BBS4: variants seen among roughly 807,000 people sequenced by gnomAD.
The protein encoded by BBS4 is Bardet-Biedl syndrome 4.
Under a neutral mutation model 71.4 loss-of-function variants are expected in BBS4, and 58 were observed. The observed-to-expected ratio is 0.81, with a 90% confidence interval of 0.66 to 1.01. BBS4 has a LOEUF of 1.01. Among genes scored for constraint, BBS4 ranks in the 50% least tolerant of loss-of-function variants. The probability of loss-of-function intolerance (pLI) is 0.00; values close to 1 mark genes in which losing one functional copy is unlikely to be tolerated. For synonymous variants in BBS4, 228 were observed against 216.8 expected, an observed-to-expected ratio of 1.05 and a Z score of -0.46; for missense variants, 660 against 607.9, an observed-to-expected ratio of 1.09 and a Z score of -0.90.
rs201987100 is a variant in BBS4 at position 72,731,676 on chromosome 15, C to G, written c.986C>G (p.Ala329Gly). 6.2e-7 allele frequency: 1 copy of G among 1,614,054 alleles called. No homozygotes were observed. The highest frequency in any genetic ancestry group is 1.3e-5 in the African/African-American group (1 of 74,918). ...GCATCAGCTTTTCATTTTCTCAGTG[C>G]GGCCATCAACTTCCAGCCAAAGATG... ...QYASAFHFLS[A>G]AINFQPKMGE... The change falls in exon 12 of 16, where the codon GCG (alanine) becomes GGG (glycine). Residue 329 changes from alanine to glycine, a missense_variant. Ala to Gly is a moderately conservative substitution (Grantham distance 60). Transcript: ENST00000268057.
At chr15:72,706,175 C>T (rs8031455) in intron 2 of BBS4, among the ~76,000 whole-genome samples, 81,894 of 151,714 alleles carry the variant, frequency 0.54, 23,577 homozygotes, top group Middle Eastern at 0.68. Flanking sequence ...CTCGCTCTGT[C>T]GCCCAGGCTG....
chr15:72,687,145 G>T (rs2064868656), intron 1 of BBS4, among the ~76,000 whole-genome samples: 2 of 1,560 alleles, frequency 1.3e-3, no homozygotes, highest in African/African-American at 1.5e-3. Flanking sequence ...GAGACGGAGT[G>T]TCGCTGTTGT....
In BBS4 at chr15:72,728,185, A is replaced by G. The variant is rs35148941; in HGVS notation, c.642+191A>G. Among the ~76,000 whole-genome samples, 1,483 of 152,254 alleles carry G rather than the reference A, an allele frequency of 9.7e-3. 51 individuals are homozygous for G. In the East Asian group the frequency reaches 0.14, roughly 14 times the overall value. ...CTGCATTTAAATTGGAAGCAATTCT[A>G]TTTTAGCCTAGTGCAATTATAATTC... On this transcript the variant is annotated intron_variant, in intron 9 of 15. Transcript: ENST00000268057.
At chr15:72,712,431 G>A (rs958023511) in intron 4 of BBS4, 124 bp downstream of exon 4, 3 of 939,630 alleles carry the variant, frequency 3.2e-6, no homozygotes, top group African/African-American at 3.3e-5. Context: ...ATGGAGATAT[G>A]TTCTAAGAAA....
intron 2 of BBS4, among the ~76,000 whole-genome samples, chr15:72,699,342 C>T (rs1166475602): frequency 6.6e-6 from 1 of 152,120 alleles, no homozygotes; most frequent in Non-Finnish European, 1.5e-5. Flanking sequence ...CCAAAGCCTC[C>T]CAAAGTTCTG....
chr15:72,715,517 T>C lies in BBS4; in HGVS notation c.332+115T>C, dbSNP rs1031163178. ...TCAGCCTGATACACAAGTGGGGGAA[T>C]GGTTTAATAGGTACAGTGGGATTCA... is the stretch of plus-strand genomic sequence containing the variant. On this transcript the variant is annotated intron_variant, in intron 5 of 15. Coordinates refer to ENST00000268057, the MANE Select transcript of BBS4 (RefSeq NM_033028.5). 5.3e-5 allele frequency: 41 copies of C among 775,822 alleles called. No homozygotes were observed. The Admixed American group carries it at 7.5e-4, about 14-fold the overall frequency. 48.1% of individuals were successfully genotyped at this position (775,822 alleles called of 1,614,324 possible).
chr15:72,687,162 G>A (rs371762463), intron 1 of BBS4, among the ~76,000 whole-genome samples: 3 of 108,480 alleles, frequency 2.8e-5, no homozygotes, highest in Admixed American at 2.2e-4. Flanking sequence ...TTGTCGGCCC[G>A]GGCTGGAGTG....
intron 6 of BBS4, among the ~76,000 whole-genome samples, chr15:72,721,886 A>G (rs1271521046): frequency 6.6e-6 from 1 of 152,220 alleles, no homozygotes; most frequent in Admixed American, 6.5e-5. Context: ...GAGAGTCCAT[A>G]AAACAGTATC....
intron 2 of BBS4, among the ~76,000 whole-genome samples, chr15:72,698,196 T>C (rs1390305686): frequency 6.6e-6 from 1 of 152,156 alleles, no homozygotes; most frequent in Non-Finnish European, 1.5e-5. Flanking sequence ...CAGCTTGATA[T>C]CTGGTTTTAG....
chr15:72,714,214 C>T (rs1031444226), intron 4 of BBS4, among the ~76,000 whole-genome samples: 1 of 140,052 alleles, frequency 7.1e-6, no homozygotes, highest in African/African-American at 2.6e-5. Context: ...AAGGACCACT[C>T]ACTTACTTTT....
chr15:72,693,228 T>C (rs537765122), intron 1 of BBS4, among the ~76,000 whole-genome samples: 9 of 152,376 alleles, frequency 5.9e-5, no homozygotes, highest in Admixed American at 2.0e-4. Flanking sequence ...GTTTGTTTTA[T>C]TCAGTCAGTA....
intron 8 of BBS4, among the ~76,000 whole-genome samples, chr15:72,725,765 C>CCTCTT (rs1555500822): frequency 7.9e-5 from 5 of 63,048 alleles, no homozygotes; most frequent in East Asian, 1.1e-3. Flanking sequence ...CTTCCCCCTT[C>CCTCTT]CCCCTTCCTC....
intron 8 of BBS4, among the ~76,000 whole-genome samples, chr15:72,725,165 A>G (rs141367780): frequency 6.6e-5 from 10 of 151,844 alleles, no homozygotes; most frequent in South Asian, 2.1e-4. Flanking sequence ...GGCTAAAGCA[A>G]TCTTCCTACC....
At chr15:72,727,401 C>T (rs952836902) in intron 8 of BBS4, among the ~76,000 whole-genome samples, 10 of 152,074 alleles carry the variant, frequency 6.6e-5, no homozygotes, top group Non-Finnish European at 1.3e-4. Context: ...GTCAGTAGCA[C>T]CTTCTTTCCT....
Position 72,724,664 on chromosome 15 carries a change from A to G in BBS4, c.587+9A>G, listed in dbSNP as rs1478317713. The G allele has an allele frequency of 6.2e-7, 1 of 1,613,814 alleles. No homozygotes were observed. Among genetic ancestry groups the G allele is most frequent in the South Asian group, 1.1e-5 (1 of 91,074 alleles). ...TACAAGAAAGCAGTGGAGTAAGTGT[A>G]TCTGTTTCCTTTAAAACAGTGAGAA... On this transcript the variant is annotated intron_variant, in intron 8 of 15. Transcript: ENST00000268057.
intron 2 of BBS4, among the ~76,000 whole-genome samples, chr15:72,701,838 A>C (rs2065174665): frequency 6.6e-6 from 1 of 152,104 alleles, no homozygotes; most frequent in Non-Finnish European, 1.5e-5. Context: ...AAAAGCTTTA[A>C]AATCATTATT....
intron 7 of BBS4, among the ~76,000 whole-genome samples, chr15:72,723,878 G>A (rs2065619889): frequency 6.6e-6 from 1 of 152,180 alleles, no homozygotes; most frequent in African/African-American, 2.4e-5. Context: ...GGTTGGATCT[G>A]TGCTGAGAAG....
At chr15:72,695,332 G>A (rs1032779170) in intron 2 of BBS4, 104 bp downstream of exon 2, 1 of 768,424 alleles carries the variant, frequency 1.3e-6, no homozygotes, top group African/African-American at 1.8e-5. Context: ...CTGTCACCCA[G>A]GCTGGAGTGC....
At chr15:72,718,264 T>A (rs1033973604) in intron 6 of BBS4, among the ~76,000 whole-genome samples, 1 of 152,246 alleles carries the variant, frequency 6.6e-6, no homozygotes, top group African/African-American at 2.4e-5. Context: ...CAATATTTTT[T>A]ATTTCATTTC....
Sources: allele counts gnomAD v4.1 joint callset (sites outside exome capture counted in the v4.1 genomes callset), GRCh38; gene constraint gnomAD v4.1.1; transcripts MANE v1.5; gene names NCBI Gene and HGNC (gene_info 2026-07-23, HGNC 2026-07-21).